The following CNTNAP2 variants were observed in gnomAD, a reference collection of about 807,000 sequenced individuals.
CNTNAP2 encodes contactin associated protein 2.
A neutral mutation model predicts 155.2 loss-of-function variants in CNTNAP2; 98 were observed. That is an observed-to-expected ratio of 0.63 (90% CI 0.54 to 0.75). The LOEUF (loss-of-function observed/expected upper bound fraction) is 0.75, where lower values mean the gene tolerates loss of function less well. Among genes scored for constraint, CNTNAP2 ranks in the 30% least tolerant of loss-of-function variants. The pLI is 0.00. For missense variants in CNTNAP2, 1,727 were observed against 1,688.1 expected, an observed-to-expected ratio of 1.02 and a Z score of -0.40; for synonymous variants, 651 against 631.2, an observed-to-expected ratio of 1.03 and a Z score of -0.47.
chr7:147,936,791 C>T (rs77636629), intron 14 of CNTNAP2, among the ~76,000 whole-genome samples: 8,747 of 152,200 alleles, frequency 0.057, 308 homozygotes, highest in South Asian at 0.14. Context: ...GGACAGAGTG[C>T]TCAAAATAGA....
intron 15 of CNTNAP2, among the ~76,000 whole-genome samples, chr7:148,097,348 A>G (rs1177469766): frequency 2.0e-5 from 3 of 150,416 alleles, no homozygotes; most frequent in African/African-American, 7.3e-5. Context: ...TGTAAAAAAA[A>G]AAAAAAAAAA....
intron 1 of CNTNAP2, among the ~76,000 whole-genome samples, chr7:146,522,421 G>A (rs115194781): frequency 0.025 from 3,731 of 152,110 alleles, 155 homozygotes; most frequent in African/African-American, 0.084. Flanking sequence ...ACCACAGCAG[G>A]TGTCATTATT....
chr7:146,340,923 T>C (rs1283988671), intron 1 of CNTNAP2, among the ~76,000 whole-genome samples: 1 of 152,212 alleles, frequency 6.6e-6, no homozygotes, highest in Non-Finnish European at 1.5e-5. Flanking sequence ...GACTGATATT[T>C]TTCCAGAAAG....
intron 1 of CNTNAP2, among the ~76,000 whole-genome samples, chr7:146,570,025 C>T (rs1798417175): frequency 1.3e-5 from 2 of 152,274 alleles, no homozygotes; most frequent in South Asian, 2.1e-4. Context: ...TGAAGGTGTG[C>T]AAGTCACTCT....
rs1240751147 is a variant in CNTNAP2, at chr7:147,775,231, ATATATATATATT to A, written c.2099-128317_2099-128306del. Among the ~76,000 whole-genome samples the A allele has an allele frequency of 3.2e-3, 300 of 93,948 alleles. 5 individuals are homozygous for A. Among genetic ancestry groups the A allele is most frequent in the African/African-American group, 0.015 (275 of 18,600 alleles). The allele number at this position is 93,948 out of a possible 152,430, so 61.6% of individuals were successfully genotyped here. A position where few individuals can be genotyped will look rare whatever the true frequency, so the allele number is the denominator to read the frequency against. On this transcript the variant is annotated intron_variant, in intron 13 of 23. Coordinates refer to ENST00000361727, the MANE Select transcript of CNTNAP2 (RefSeq NM_014141.6). ...CTTTTCCTATAAATACAAAAGAAAT[ATATATATATATT>A]TATATATATATTTATAAATATATTT...
At position 148,383,695 on chromosome 7, in the gene CNTNAP2, A is replaced by T. The variant is rs141078449; in HGVS notation, c.3522A>T (p.Gly1174=). 1,134 of 1,614,224 alleles carry T rather than the reference A, an allele frequency of 7.0e-4. 1 individual carries two copies. The highest frequency in any genetic ancestry group is 8.6e-4 in the Non-Finnish European group (1,020 of 1,180,034). The stretch of plus-strand genomic sequence containing the variant: ...AGATTCACAAATACAACACCCCAGG[A>T]TTCACTGGTTGCCTCTCCAGAGTCC... ...DQEIHKYNTP[G]FTGCLSRVQF... The change falls in exon 22 of 24, where the codon GGA becomes GGT. Residue 1174 remains glycine, a synonymous_variant. Coordinates refer to ENST00000361727, the MANE Select transcript of CNTNAP2 (RefSeq NM_014141.6).
intron 1 of CNTNAP2, among the ~76,000 whole-genome samples, chr7:146,307,746 A>G (rs945331232): frequency 1.3e-5 from 2 of 152,198 alleles, no homozygotes; most frequent in Admixed American, 6.5e-5. Flanking sequence ...TCCCTATTTA[A>G]TAAATGGTGC....
chr7:146,820,293 T>C (rs1192435997), intron 2 of CNTNAP2, among the ~76,000 whole-genome samples: 1 of 152,176 alleles, frequency 6.6e-6, no homozygotes, highest in African/African-American at 2.4e-5. Flanking sequence ...ACTGTAGCTA[T>C]CACAAAGTTA....
At chr7:146,891,309 A>G (rs1795770808) in intron 3 of CNTNAP2, among the ~76,000 whole-genome samples, 2 of 152,160 alleles carry the variant, frequency 1.3e-5, no homozygotes, top group South Asian at 4.1e-4. Flanking sequence ...TGTGATCACT[A>G]TCTGGGTGAT....
At chr7:146,601,056 A>G (rs1798942603) in intron 1 of CNTNAP2, among the ~76,000 whole-genome samples, 1 of 152,164 alleles carries the variant, frequency 6.6e-6, no homozygotes, top group Non-Finnish European at 1.5e-5. Context: ...TGCTTAAGAT[A>G]TAAACAACTA....
rs144694706 is a variant in CNTNAP2 at position 148,096,995 on chromosome 7, G to A, written c.2384-21123G>A. On this transcript the variant is annotated intron_variant, in intron 15 of 23. Coordinates refer to ENST00000361727, the MANE Select transcript of CNTNAP2 (RefSeq NM_014141.6). Reference sequence around the variant, plus strand: ...AAGCTACTTGGAGATATTAGAGCTAGTGAATGCCTTCTCCCAGCCAAATCC... The same window carrying A: ...AAGCTACTTGGAGATATTAGAGCTAATGAATGCCTTCTCCCAGCCAAATCC... 1.9e-3 allele frequency among the ~76,000 whole-genome samples: 293 copies of A among 152,290 alleles called. 1 individual carries two copies. The highest frequency in any genetic ancestry group is 6.9e-3 in the African/African-American group (287 of 41,548).
intron 18 of CNTNAP2, among the ~76,000 whole-genome samples, chr7:148,183,330 G>A (rs1280018995): frequency 2.0e-5 from 3 of 152,202 alleles, no homozygotes; most frequent in African/African-American, 2.4e-5. Flanking sequence ...TTCTGAGGGC[G>A]TAATTTGGGT....
At chr7:146,315,665 T>C (rs1260840662) in intron 1 of CNTNAP2, among the ~76,000 whole-genome samples, 1 of 152,202 alleles carries the variant, frequency 6.6e-6, no homozygotes, top group Non-Finnish European at 1.5e-5. Context: ...TTGTGTTTAT[T>C]TACATTTTGT....
At position 147,774,833 on chromosome 7, in the gene CNTNAP2, C is replaced by T. The variant is rs151017213; in HGVS notation, c.2099-128732C>T. 7.6e-3 allele frequency among the ~76,000 whole-genome samples: 1,154 copies of T among 152,132 alleles called. 8 individuals carry two copies. Among genetic ancestry groups the T allele is most frequent in the African/African-American group, 0.027 (1,107 of 41,514 alleles). On this transcript the variant is annotated intron_variant, in intron 13 of 23. Transcript: ENST00000361727. ...TGAAGGGGACTAAGATAGAAATGTA[C>T]CTTAAAACTAATCTAACCTAAGTCT...
chr7:148,133,777 G>C (rs1015562179), intron 16 of CNTNAP2: 5 of 152,268 alleles, frequency 3.3e-5, no homozygotes, highest in South Asian at 4.1e-4. Flanking sequence ...TGATGAAAAG[G>C]GGAAAGAAAC....
At chr7:147,849,193 C>A (rs990668736) in intron 13 of CNTNAP2, among the ~76,000 whole-genome samples, 1 of 152,118 alleles carries the variant, frequency 6.6e-6, no homozygotes, top group African/African-American at 2.4e-5. Context: ...ATAGTAATAT[C>A]ATTATGACAA....
At chr7:148,347,771 A>G (rs2116592342) in intron 21 of CNTNAP2, among the ~76,000 whole-genome samples, 1 of 152,352 alleles carries the variant, frequency 6.6e-6, no homozygotes, top group Non-Finnish European at 1.5e-5. Flanking sequence ...AAAGCACTGG[A>G]AACAAACATG....
chr7:147,978,547 A>G (rs972819175), intron 15 of CNTNAP2, among the ~76,000 whole-genome samples: 3 of 152,044 alleles, frequency 2.0e-5, no homozygotes, highest in African/African-American at 7.2e-5. Flanking sequence ...CCAGAGAGGA[A>G]TTTGGGGCTG....
rs1800856969 is a variant in CNTNAP2 at position 146,313,253 on chromosome 7, A to G, written c.97+196280A>G. Among the ~76,000 whole-genome samples, 4 of 152,162 alleles carry G rather than the reference A, an allele frequency of 2.6e-5. No homozygotes were observed. In the South Asian group the frequency reaches 8.3e-4, roughly 32 times the overall value. On this transcript the variant is annotated intron_variant, in intron 1 of 23. Transcript: ENST00000361727. ...AGTCGTTTTGATAATAGCCATTCTA[A>G]TGGGCATGTGGTGATATCCCACTGT...
Sources: allele counts gnomAD v4.1 joint callset (sites outside exome capture counted in the v4.1 genomes callset), GRCh38; gene constraint gnomAD v4.1.1; transcripts MANE v1.5; gene names NCBI Gene and HGNC (gene_info 2026-07-23, HGNC 2026-07-21).